ARID5B: variants seen among roughly 807,000 people sequenced by gnomAD.
The protein encoded by ARID5B is AT-rich interaction domain 5B, also known as AT-rich interactive domain-containing protein 5B.
In ARID5B, 13 loss-of-function variants were observed where a neutral mutation model predicts 97.2. The ratio of observed to expected loss-of-function variants is 0.13; its 90% CI spans 0.09 to 0.21. The LOEUF is 0.21. ARID5B is among the 10% of genes least tolerant of loss of function. ARID5B has a pLI of 1.00. For synonymous variants in ARID5B, 556 were observed against 570.3 expected, an observed-to-expected ratio of 0.97 and a Z score of 0.36; for missense variants, 1,210 against 1,465.3, an observed-to-expected ratio of 0.83 and a Z score of 2.84.
At chr10:61,903,693 C>T (rs1180678681) in intron 2 of ARID5B, among the ~76,000 whole-genome samples, 2 of 152,136 alleles carry the variant, frequency 1.3e-5, no homozygotes, top group Non-Finnish European at 2.9e-5. Flanking sequence ...CATCCCGGGG[C>T]TCGGAGCTGC....
At chr10:62,030,948 G>A (rs1307295975) in intron 4 of ARID5B, among the ~76,000 whole-genome samples, 1 of 152,138 alleles carries the variant, frequency 6.6e-6, no homozygotes, top group Non-Finnish European at 1.5e-5. Context: ...AGAGTAAAGA[G>A]GTTTGAGCTG....
chr10:62,068,929 G>T (rs1416154827), intron 7 of ARID5B, among the ~76,000 whole-genome samples: 1 of 152,218 alleles, frequency 6.6e-6, no homozygotes, highest in African/African-American at 2.4e-5. Flanking sequence ...CAAGCTGTTT[G>T]TTTTTATTCA....
chr10:62,083,437 G>A (rs10995029), intron 8 of ARID5B, among the ~76,000 whole-genome samples: 1 of 152,160 alleles, frequency 6.6e-6, no homozygotes, highest in Non-Finnish European at 1.5e-5. Flanking sequence ...AGGGCTCTCA[G>A]AACCCAGAGT....
chr10:62,039,545 T>G (rs1839607437), intron 4 of ARID5B, among the ~76,000 whole-genome samples: 1 of 152,202 alleles, frequency 6.6e-6, no homozygotes, highest in Admixed American at 6.5e-5. Context: ...CTAGTTAGGT[T>G]TCTGTGTTGC....
chr10:61,923,064 G>A (rs1844044853), intron 2 of ARID5B, among the ~76,000 whole-genome samples: 1 of 152,130 alleles, frequency 6.6e-6, no homozygotes, highest in South Asian at 2.1e-4. Context: ...AACCTAGTGG[G>A]AACTTAAAGA....
intron 3 of ARID5B, among the ~76,000 whole-genome samples, chr10:61,953,896 A>G (rs1356716500): frequency 1.3e-5 from 2 of 152,344 alleles, no homozygotes; most frequent in East Asian, 3.9e-4. Context: ...GAGTAGATGC[A>G]ACATAAAAAG....
rs188143377 is a variant in ARID5B at position 61,963,428 on chromosome 10, C to T, written c.502+23020C>T. Among the ~76,000 whole-genome samples, 12 of 152,266 alleles carry T rather than the reference C, an allele frequency of 7.9e-5. No homozygotes were observed. In the East Asian group the frequency reaches 2.3e-3, roughly 29 times the overall value. Reference sequence around the variant, plus strand: ...TACTGAAAGGGGCACAGACCCACACCAGCCAACTGACCTAGCTCATAGCCA... The same window carrying T: ...TACTGAAAGGGGCACAGACCCACACTAGCCAACTGACCTAGCTCATAGCCA... On this transcript the variant is annotated intron_variant, in intron 3 of 9. Transcript: ENST00000279873.
intron 4 of ARID5B, among the ~76,000 whole-genome samples, chr10:62,035,412 A>G (rs1438695681): frequency 7.8e-6 from 1 of 128,782 alleles, no homozygotes; most frequent in Non-Finnish European, 1.7e-5. Flanking sequence ...GACTGTGGTA[A>G]GGTACACTAA....
At chr10:62,008,496 A>G (rs187912289) in intron 4 of ARID5B, among the ~76,000 whole-genome samples, 15 of 152,348 alleles carry the variant, frequency 9.8e-5, no homozygotes, top group African/African-American at 3.6e-4. Flanking sequence ...GTAGGATTTA[A>G]ATAGAGAGAT....
At chr10:62,055,638 A>C (rs1427101497) in intron 5 of ARID5B, among the ~76,000 whole-genome samples, 1 of 152,210 alleles carries the variant, frequency 6.6e-6, no homozygotes, top group African/African-American at 2.4e-5. Context: ...GAGAGTACAA[A>C]ATCTACATGG....
rs181995068 is a variant in ARID5B at position 62,002,369 on chromosome 10, C to T, written c.733+2048C>T. 9.2e-5 allele frequency among the ~76,000 whole-genome samples: 14 copies of T among 152,258 alleles called. No homozygotes were observed. The East Asian group carries it at 2.3e-3, about 25-fold the overall frequency. On this transcript the variant is annotated intron_variant, in intron 4 of 9. Transcript: ENST00000279873. ...TTTTAATGCTGTTTTTCTTCTCCAG[C>T]CTCTTAAAGTGGAAGCTTTCTTTTG...
At chr10:61,928,402 G>T (rs767442667) in intron 2 of ARID5B, among the ~76,000 whole-genome samples, 5 of 152,146 alleles carry the variant, frequency 3.3e-5, no homozygotes, top group Non-Finnish European at 7.3e-5. Context: ...CTGGGCTCAG[G>T]TGATCCTCCC....
At chr10:62,053,006 C>T (rs953746856) in intron 5 of ARID5B, among the ~76,000 whole-genome samples, 5 of 152,154 alleles carry the variant, frequency 3.3e-5, no homozygotes, top group African/African-American at 7.2e-5. Context: ...TGAAGTGTGA[C>T]GAGCTTGTCT....
intron 3 of ARID5B, among the ~76,000 whole-genome samples, chr10:61,956,127 G>T (rs1838388095): frequency 6.6e-6 from 1 of 152,202 alleles, no homozygotes; most frequent in Admixed American, 6.5e-5. Context: ...GCTGTGGACT[G>T]GTACTAGCCC....
At chr10:62,024,672 G>T in intron 4 of ARID5B, 1 of 396,240 alleles carries the variant, frequency 2.5e-6, no homozygotes, top group Non-Finnish European at 4.5e-6. Flanking sequence ...TTTTCTTTCG[G>T]GAGGCAGATT....
At chr10:62,033,633 G>C (rs1342430392) in intron 4 of ARID5B, among the ~76,000 whole-genome samples, 1 of 152,168 alleles carries the variant, frequency 6.6e-6, no homozygotes, top group Non-Finnish European at 1.5e-5. Context: ...GCAAACTGCT[G>C]GTCTCTTGAA....
At chr10:62,087,280 CAGAG>C (rs1360585144) in intron 9 of ARID5B, among the ~76,000 whole-genome samples, 1 of 88,868 alleles carries the variant, frequency 1.1e-5, no homozygotes, top group Non-Finnish European at 1.9e-5. Context: ...GCCTGGGTGA[CAGAG>C]AGAGACTCTA....
chr10:62,057,701 A>G (rs1278453831), intron 6 of ARID5B, among the ~76,000 whole-genome samples: 1 of 152,214 alleles, frequency 6.6e-6, no homozygotes, highest in Non-Finnish European at 1.5e-5. Flanking sequence ...TAAAAGGAGG[A>G]CATTTAAAGA....
intron 3 of ARID5B, among the ~76,000 whole-genome samples, chr10:61,958,898 A>G (rs1317645989): frequency 6.6e-6 from 1 of 151,366 alleles, no homozygotes; most frequent in Non-Finnish European, 1.5e-5. Context: ...CCATCCAGAA[A>G]GTGTTCTGAG....
Sources: allele counts gnomAD v4.1 joint callset (sites outside exome capture counted in the v4.1 genomes callset), GRCh38; gene constraint gnomAD v4.1.1; transcripts MANE v1.5; gene names NCBI Gene and HGNC (gene_info 2026-07-23, HGNC 2026-07-21).